OPCML: variants seen among roughly 807,000 people sequenced by gnomAD.
OPCML encodes opioid-binding protein/cell adhesion molecule.
Under a neutral mutation model 37.8 loss-of-function variants are expected in OPCML, and 13 were observed. That is an observed-to-expected ratio of 0.34 (90% CI 0.22 to 0.55). The LOEUF (loss-of-function observed/expected upper bound fraction) is 0.55, where lower values mean the gene tolerates loss of function less well. OPCML is among the 20% of genes least tolerant of loss of function. The pLI, the probability that OPCML is intolerant of heterozygous loss-of-function variation, is 0.91. For synonymous variants in OPCML, 176 were observed against 168.8 expected, an observed-to-expected ratio of 1.04 and a Z score of -0.33; for missense variants, 341 against 435.6, an observed-to-expected ratio of 0.78 and a Z score of 1.93.
At chr11:132,921,398 C>T (rs1944796390) in intron 2 of OPCML, among the ~76,000 whole-genome samples, 1 of 152,238 alleles carries the variant, frequency 6.6e-6, no homozygotes, top group Non-Finnish European at 1.5e-5. Flanking sequence ...TCATCCTTCT[C>T]TAAGAATTCT....
chr11:133,523,576 A>G (rs555982427), intron 1 of OPCML, among the ~76,000 whole-genome samples: 31 of 152,342 alleles, frequency 2.0e-4, no homozygotes, highest in African/African-American at 7.2e-4. Context: ...AACAAGAACA[A>G]GAATAAAAAA....
intron 1 of OPCML, among the ~76,000 whole-genome samples, chr11:133,371,840 A>G (rs1944681709): frequency 6.6e-6 from 1 of 152,264 alleles, no homozygotes. Context: ...CTATTTGGCC[A>G]TTAAAAAGAA....
At chr11:132,555,184 G>A (rs1031440960) in intron 3 of OPCML, among the ~76,000 whole-genome samples, 1 of 151,966 alleles carries the variant, frequency 6.6e-6, no homozygotes, top group African/African-American at 2.4e-5. Context: ...TTGATTAAGG[G>A]TGTATTCATC....
chr11:133,075,248 GT>G (rs1349178596), intron 1 of OPCML, among the ~76,000 whole-genome samples: 6 of 152,206 alleles, frequency 3.9e-5, no homozygotes, highest in African/African-American at 1.4e-4. Flanking sequence ...GTCAGGAATG[GT>G]TTGGCAACCT....
intron 2 of OPCML, among the ~76,000 whole-genome samples, chr11:132,735,428 A>T (rs552331624): frequency 6.6e-6 from 1 of 152,334 alleles, no homozygotes; most frequent in African/African-American, 2.4e-5. Context: ...TTCTTCTAAT[A>T]AAATGAACCT....
intron 3 of OPCML, among the ~76,000 whole-genome samples, chr11:132,538,558 C>T (rs565344294): frequency 5.3e-5 from 8 of 152,226 alleles, no homozygotes; most frequent in East Asian, 1.9e-4. Flanking sequence ...TTTTATAGTA[C>T]GTGAATTGTA....
At chr11:132,434,076 C>T (rs2136722368) in intron 7 of OPCML, among the ~76,000 whole-genome samples, 1 of 152,274 alleles carries the variant, frequency 6.6e-6, no homozygotes, top group East Asian at 1.9e-4. Flanking sequence ...CCCTTCTCTG[C>T]ATCATACTCC....
intron 2 of OPCML, among the ~76,000 whole-genome samples, chr11:132,740,223 T>A (rs1158658707): frequency 6.6e-6 from 1 of 152,216 alleles, no homozygotes; most frequent in Non-Finnish European, 1.5e-5. Context: ...ATAACGTATC[T>A]GTGATGTATC....
chr11:132,686,817 C>T (rs552810071), intron 2 of OPCML, among the ~76,000 whole-genome samples: 101 of 152,282 alleles, frequency 6.6e-4, no homozygotes, highest in African/African-American at 2.3e-3. Flanking sequence ...CACAGATCCC[C>T]CAGGAGTGTT....
intron 1 of OPCML, among the ~76,000 whole-genome samples, chr11:133,223,322 G>A (rs1939912480): frequency 6.6e-6 from 1 of 152,210 alleles, no homozygotes; most frequent in Non-Finnish European, 1.5e-5. Context: ...AGAGGAACAG[G>A]ACAGCACATA....
intron 1 of OPCML, among the ~76,000 whole-genome samples, chr11:133,170,454 C>T (rs1302394240): frequency 2.0e-5 from 3 of 151,774 alleles, no homozygotes. Context: ...CCACTGCACT[C>T]CAGCCTGGGC....
chr11:133,066,219 C>G (rs1948439104), intron 1 of OPCML: 6 of 152,318 alleles, frequency 3.9e-5, no homozygotes, highest in African/African-American at 1.4e-4. Context: ...ACTCCCCTTT[C>G]AGAGGAAACC....
At chr11:132,693,444 C>T (rs1943482244) in intron 2 of OPCML, among the ~76,000 whole-genome samples, 1 of 152,138 alleles carries the variant, frequency 6.6e-6, no homozygotes, top group African/African-American at 2.4e-5. Flanking sequence ...ATTGTACAAA[C>T]AACCCCTTGA....
chr11:133,191,520 T>TGTGTGG (rs1938320282), intron 1 of OPCML, among the ~76,000 whole-genome samples: 1 of 151,834 alleles, frequency 6.6e-6, no homozygotes, highest in African/African-American at 2.4e-5. Context: ...TGTGTGTGTG[T>TGTGTGG]GTGTGTGTGT....
intron 2 of OPCML, among the ~76,000 whole-genome samples, chr11:132,710,227 C>G (rs566754399): frequency 6.6e-6 from 1 of 152,126 alleles, no homozygotes; most frequent in South Asian, 2.1e-4. Flanking sequence ...GGGTGAGAAA[C>G]AGTTGTCTAT....
At chr11:133,238,615 C>A (rs1301109172) in intron 1 of OPCML, among the ~76,000 whole-genome samples, 1 of 152,186 alleles carries the variant, frequency 6.6e-6, no homozygotes, top group African/African-American at 2.4e-5. Context: ...CCTGCAAGTG[C>A]AGGCTTCTTC....
At chr11:132,466,799 G>A (rs981382655) in intron 4 of OPCML, among the ~76,000 whole-genome samples, 2 of 151,960 alleles carry the variant, frequency 1.3e-5, no homozygotes, top group African/African-American at 4.8e-5. Context: ...AAATGTGGTT[G>A]GTACACATTC....
intron 4 of OPCML, among the ~76,000 whole-genome samples, chr11:132,458,542 A>T (rs1199746256): frequency 6.6e-6 from 1 of 152,230 alleles, no homozygotes. Context: ...ACCCCATGAC[A>T]TTCTTAAACA....
intron 1 of OPCML, among the ~76,000 whole-genome samples, chr11:133,319,702 T>G (rs1702071107): frequency 1.3e-5 from 2 of 152,188 alleles, no homozygotes. Context: ...GAGTGTTAAC[T>G]CATCCAGTGA....
Sources: allele counts gnomAD v4.1 joint callset (sites outside exome capture counted in the v4.1 genomes callset), GRCh38; gene constraint gnomAD v4.1.1; transcripts MANE v1.5; gene names NCBI Gene and HGNC (gene_info 2026-07-23, HGNC 2026-07-21).